CCDC192: variants seen among roughly 807,000 people sequenced by gnomAD.
The protein encoded by CCDC192 is coiled-coil domain-containing protein 192.
intron 1 of CCDC192, among the ~76,000 whole-genome samples, chr5:127,706,972 A>C (rs974276991): frequency 6.6e-6 from 1 of 152,176 alleles, no homozygotes; most frequent in African/African-American, 2.4e-5. Flanking sequence ...CTGAGTGAAG[A>C]AAGTATTTCA....
At chr5:127,775,578 C>T (rs774463358) in intron 3 of CCDC192, among the ~76,000 whole-genome samples, 21 of 152,230 alleles carry the variant, frequency 1.4e-4, no homozygotes, top group African/African-American at 2.9e-4. Flanking sequence ...GATTTCTTAG[C>T]GTCATCACAC....
intron 5 of CCDC192, among the ~76,000 whole-genome samples, chr5:127,807,152 AC>A (rs1264921370): frequency 6.6e-6 from 1 of 152,220 alleles, no homozygotes; most frequent in Non-Finnish European, 1.5e-5. Flanking sequence ...GAGTGCCAGA[AC>A]ATAGTAAGTG....
chr5:127,856,548 T>C (rs1161679318), intron 5 of CCDC192, among the ~76,000 whole-genome samples: 1 of 152,256 alleles, frequency 6.6e-6, no homozygotes, highest in Non-Finnish European at 1.5e-5. Context: ...AACTCTATGG[T>C]GCAACAGGCC....
At chr5:127,859,011 T>C (rs1751240617) in intron 5 of CCDC192, among the ~76,000 whole-genome samples, 1 of 152,204 alleles carries the variant, frequency 6.6e-6, no homozygotes. Context: ...CATGAAGCTC[T>C]ACCTGGAACA....
chr5:127,760,878 A>C (rs1363429166), intron 3 of CCDC192, among the ~76,000 whole-genome samples: 1 of 152,150 alleles, frequency 6.6e-6, no homozygotes, highest in African/African-American at 2.4e-5. Context: ...TTGGAGTCGT[A>C]TGATGAGACT....
chr5:127,761,779 T>C (rs541897562), intron 3 of CCDC192, among the ~76,000 whole-genome samples: 1 of 152,294 alleles, frequency 6.6e-6, no homozygotes, highest in Admixed American at 6.5e-5. Flanking sequence ...TTATGTGTAT[T>C]GTTATAAAGC....
chr5:127,908,323 C>T (rs935721395), intron 6 of CCDC192, among the ~76,000 whole-genome samples: 1 of 152,126 alleles, frequency 6.6e-6, no homozygotes, highest in African/African-American at 2.4e-5. Context: ...ATCAGTTTCT[C>T]CCCTTAGGAA....
chr5:127,717,928 C>CAAAAAAAAAAAAAAAAAAAAAAAAGAAAA, intron 2 of CCDC192, among the ~76,000 whole-genome samples: 1 of 98,074 alleles, frequency 1.0e-5, no homozygotes, highest in Non-Finnish European at 2.0e-5. Flanking sequence ...TAAAGCTAGA[C>CAAAAAAAAAAAAAAAAAAAAAAAAGAAAA]AAAAAAAAAA....
intron 5 of CCDC192, among the ~76,000 whole-genome samples, chr5:127,867,033 G>A (rs941472936): frequency 4.6e-5 from 7 of 152,268 alleles, no homozygotes; most frequent in Middle Eastern, 3.4e-3. Context: ...GTACTTCACT[G>A]AACCTGTATC....
intron 5 of CCDC192, among the ~76,000 whole-genome samples, chr5:127,849,543 C>G (rs535645411): frequency 1.3e-5 from 2 of 152,320 alleles, no homozygotes; most frequent in East Asian, 3.9e-4. Flanking sequence ...CTGAGAGAAC[C>G]TTCCTCCACT....
intron 6 of CCDC192, among the ~76,000 whole-genome samples, chr5:127,896,129 T>G (rs901467297): frequency 6.6e-6 from 1 of 152,160 alleles, no homozygotes; most frequent in Non-Finnish European, 1.5e-5. Flanking sequence ...TTGATTGCAC[T>G]TACCCATCAG....
At chr5:127,795,375 A>T (rs1757108675) in intron 3 of CCDC192, among the ~76,000 whole-genome samples, 1 of 151,986 alleles carries the variant, frequency 6.6e-6, no homozygotes. Flanking sequence ...GAGGTAGAAG[A>T]ATAATTATAA....
intron 6 of CCDC192, among the ~76,000 whole-genome samples, chr5:127,908,497 A>T (rs1231988027): frequency 6.6e-6 from 1 of 152,234 alleles, no homozygotes; most frequent in African/African-American, 2.4e-5. Flanking sequence ...AACCTCAAAC[A>T]AATTAGATTA....
intron 5 of CCDC192, among the ~76,000 whole-genome samples, chr5:127,861,003 G>T (rs532000256): frequency 1.3e-4 from 20 of 152,142 alleles, no homozygotes; most frequent in African/African-American, 3.9e-4. Flanking sequence ...AGAAGCATGG[G>T]TTACTTTTTT....
At chr5:127,835,843 A>C (rs762843362) in intron 5 of CCDC192, among the ~76,000 whole-genome samples, 34 of 152,262 alleles carry the variant, frequency 2.2e-4, no homozygotes, top group Non-Finnish European at 4.6e-4. Context: ...ACACCTGGGG[A>C]TTACAATTCA....
intron 3 of CCDC192, among the ~76,000 whole-genome samples, chr5:127,755,608 A>C (rs1359265398): frequency 1.3e-5 from 2 of 151,228 alleles, no homozygotes; most frequent in Admixed American, 6.6e-5. Context: ...ATAAACAAAA[A>C]CAAGCCTCGA....
intron 6 of CCDC192, among the ~76,000 whole-genome samples, chr5:127,885,712 T>C (rs1163615084): frequency 2.0e-5 from 3 of 152,164 alleles, no homozygotes; most frequent in Non-Finnish European, 4.4e-5. Context: ...CAAATCCTGC[T>C]GGACAAGCAG....
chr5:127,861,165 T>C (rs62373538), intron 5 of CCDC192, among the ~76,000 whole-genome samples: 24,077 of 151,496 alleles, frequency 0.16, 2,075 homozygotes, highest in Non-Finnish European at 0.19. Context: ...TGTGCCACCA[T>C]GCCCAGCTAA....
At chr5:127,786,011 G>A in intron 3 of CCDC192, 3 of 595,286 alleles carry the variant, frequency 5.0e-6, no homozygotes, top group Middle Eastern at 2.8e-4. Context: ...AAAAGACCCT[G>A]ATTATGAATC....
Sources: allele counts gnomAD v4.1 joint callset (sites outside exome capture counted in the v4.1 genomes callset), GRCh38; gene constraint gnomAD v4.1.1; transcripts MANE v1.5; gene names NCBI Gene and HGNC (gene_info 2026-07-23, HGNC 2026-07-21).